Variants in EDARADD observed in about 807,000 individuals in gnomAD.
EDARADD encodes the protein EDAR associated via death domain, also known as ectodysplasin-A receptor-associated adapter protein.
A neutral mutation model predicts 25.6 loss-of-function variants in EDARADD; 20 were observed. The ratio of observed to expected loss-of-function variants is 0.78; its 90% confidence interval spans 0.55 to 1.14. The LOEUF is 1.14. Among genes scored for constraint, EDARADD ranks in the 50% most tolerant of loss-of-function variants. The probability of loss-of-function intolerance (pLI) is 0.00; values close to 1 mark genes in which losing one functional copy is unlikely to be tolerated. For missense variants in EDARADD, 225 were observed against 270.1 expected, an observed-to-expected ratio of 0.83 and a Z score of 1.17; for synonymous variants, 86 against 94.4, an observed-to-expected ratio of 0.91 and a Z score of 0.52.
At chr1:236,466,212 C>G (rs1362142969) in intron 4 of EDARADD, among the ~76,000 whole-genome samples, 1 of 152,148 alleles carries the variant, frequency 6.6e-6, no homozygotes, top group Non-Finnish European at 1.5e-5. Context: ...CACATACCTG[C>G]CCGATCCTGC....
intron 4 of EDARADD, among the ~76,000 whole-genome samples, chr1:236,432,109 A>G (rs545294063): frequency 6.2e-4 from 95 of 152,320 alleles, no homozygotes; most frequent in African/African-American, 2.2e-3. Context: ...AATTACTTTA[A>G]CGACATGCAT....
intron 4 of EDARADD, among the ~76,000 whole-genome samples, chr1:236,447,814 G>T (rs186804760): frequency 3.4e-4 from 52 of 151,566 alleles, no homozygotes; most frequent in Admixed American, 3.3e-3. Flanking sequence ...ACTGCACATT[G>T]GAATTACTTG....
Position 236,448,026 on chromosome 1 carries a change from G to T in EDARADD, c.220-20205G>T, listed in dbSNP as rs369237597. Among the ~76,000 whole-genome samples, 8 of 152,180 alleles carry T rather than the reference G, an allele frequency of 5.3e-5. No homozygotes were observed. The South Asian group carries it at 1.7e-3, about 32-fold the overall frequency. The stretch of plus-strand genomic sequence containing the variant: ...AATTTTGTACTTTTAGTAGAGACGG[G>T]GTTTCTCCATATTGGTCAGGCTGGT... On this transcript the variant is annotated intron_variant, in intron 4 of 5. Transcript: ENST00000334232.
At chr1:236,362,846 C>T (rs1005776073) in intron 3 of EDARADD, among the ~76,000 whole-genome samples, 1 of 150,906 alleles carries the variant, frequency 6.6e-6, no homozygotes, top group African/African-American at 2.4e-5. Context: ...AACCTATTGT[C>T]GATTTATGTG....
intron 5 of EDARADD, among the ~76,000 whole-genome samples, chr1:236,470,581 C>CCA (rs1404895581): frequency 6.6e-6 from 1 of 152,088 alleles, no homozygotes; most frequent in Non-Finnish European, 1.5e-5. Flanking sequence ...TCAAAATGAA[C>CCA]CACCAGAGTG....
upstream of EDARADD, among the ~76,000 whole-genome samples, chr1:236,393,948 G>A (rs1021917843): frequency 6.6e-6 from 1 of 151,654 alleles, no homozygotes; most frequent in Non-Finnish European, 1.5e-5. Flanking sequence ...AAGGAGGCAC[G>A]AGGAAATGAA....
chr1:236,444,814 C>G (rs1658490107), intron 4 of EDARADD, among the ~76,000 whole-genome samples: 1 of 152,208 alleles, frequency 6.6e-6, no homozygotes, highest in Non-Finnish European at 1.5e-5. Context: ...CACCTGCCCC[C>G]AGCAGCCAAC....
chr1:236,406,746 A>G (rs1447156718), intron 1 of EDARADD, among the ~76,000 whole-genome samples: 1 of 152,024 alleles, frequency 6.6e-6, no homozygotes, highest in African/African-American at 2.4e-5. Flanking sequence ...CCTCGCTACC[A>G]TGTCAACTCA....
At chr1:236,397,431 CA>C (rs1455778240) in intron 1 of EDARADD, among the ~76,000 whole-genome samples, 1 of 149,970 alleles carries the variant, frequency 6.7e-6, no homozygotes, top group Admixed American at 6.7e-5. Flanking sequence ...TAAAAAGCTA[CA>C]GGTTCCAGAT....
chr1:236,361,635 T>TTATATATATATATATATATATATATA lies in EDARADD; in HGVS notation c.-6+10811_-6+10812insATATATATATATATATATATATATAT, dbSNP rs146661697. ...GTGAGCCACCACGCACAGCCAAATT[T>TTATATATATATATATATATATATATA]TATATATATATATATTCCTTCATAC... On this transcript the variant is annotated intron_variant, in intron 3 of 7. Transcript: ENST00000439430. 1.4e-3 allele frequency among the ~76,000 whole-genome samples: 190 copies of TTATATATATATATATATATATATATA among 134,172 alleles called. 2 individuals are homozygous for TTATATATATATATATATATATATATA. Among genetic ancestry groups the TTATATATATATATATATATATATATA allele is most frequent in the East Asian group, 0.01 (47 of 4,616 alleles). The allele number at this position is 134,172 out of a possible 152,430, so 88.0% of individuals were successfully genotyped here.
chr1:236,456,188 G>T (rs1473839665), intron 4 of EDARADD, among the ~76,000 whole-genome samples: 2 of 152,180 alleles, frequency 1.3e-5, no homozygotes, highest in African/African-American at 4.8e-5. Flanking sequence ...TTCAAATCAA[G>T]CGAGAAATCA....
At chr1:236,427,522 G>T (rs1657956981) in intron 4 of EDARADD, 72 bp downstream of exon 4, 1 of 1,384,962 alleles carries the variant, frequency 7.2e-7, no homozygotes, top group Non-Finnish European at 1.0e-6. Context: ...GAGATTTATA[G>T]AGTTTTACAA....
chr1:236,378,174 G>C (rs959394353), intron 3 of EDARADD, among the ~76,000 whole-genome samples: 9 of 152,258 alleles, frequency 5.9e-5, no homozygotes, highest in African/African-American at 1.9e-4. Flanking sequence ...CTCCAGGCCA[G>C]TTAATTTCTC....
rs1314695653 is a variant in EDARADD at position 236,441,081 on chromosome 1, T to C, written c.219+13631T>C. Among the ~76,000 whole-genome samples, 9 of 151,772 alleles carry C rather than the reference T, an allele frequency of 5.9e-5. No individual in the cohort carries two copies. The Admixed American group carries it at 5.9e-4, about 10-fold the overall frequency. On this transcript the variant is annotated intron_variant, in intron 4 of 5. Coordinates refer to ENST00000334232, the MANE Select transcript of EDARADD (RefSeq NM_145861.4). ...CCAAGTTATGAATGCAAAAGAGAAGTTTTTGAAGGAAATTAAAAGGGCTAC... is the reference window on the plus strand; with the variant it reads ...CCAAGTTATGAATGCAAAAGAGAAGCTTTTGAAGGAAATTAAAAGGGCTAC...
chr1:236,453,583 T>G (rs1164622119), intron 4 of EDARADD, among the ~76,000 whole-genome samples: 1 of 152,194 alleles, frequency 6.6e-6, no homozygotes, highest in Admixed American at 6.5e-5. Flanking sequence ...GCCGAGATTC[T>G]AATACCATGT....
At chr1:236,370,777 A>G (rs1164734122) in intron 3 of EDARADD, among the ~76,000 whole-genome samples, 1 of 152,224 alleles carries the variant, frequency 6.6e-6, no homozygotes, top group Non-Finnish European at 1.5e-5. Flanking sequence ...AGGGAGAGTC[A>G]GAAGCTTGTA....
intron 4 of EDARADD, among the ~76,000 whole-genome samples, chr1:236,446,229 G>A (rs637489): frequency 0.47 from 70,679 of 151,902 alleles, 19,819 homozygotes; most frequent in Non-Finnish European, 0.64. Flanking sequence ...CCCTTGGCCT[G>A]GCTATGATTG....
upstream of EDARADD, among the ~76,000 whole-genome samples, chr1:236,391,189 A>T (rs1667422901): frequency 6.6e-6 from 1 of 152,096 alleles, no homozygotes; most frequent in Non-Finnish European, 1.5e-5. Flanking sequence ...GGCTCACTGT[A>T]GCAATGCCCT....
intron 3 of EDARADD, among the ~76,000 whole-genome samples, chr1:236,374,811 T>G (rs975200331): frequency 3.3e-5 from 5 of 151,766 alleles, no homozygotes; most frequent in African/African-American, 1.2e-4. Context: ...TTAAAGTGGG[T>G]CTCTTGTGAA....
Sources: gnomAD v4.1 joint callset for allele counts (sites outside exome capture counted in the v4.1 genomes callset) on GRCh38, gnomAD v4.1.1 for gene constraint, MANE v1.5 for transcripts, NCBI Gene and HGNC (gene_info 2026-07-23, HGNC 2026-07-21) for gene names.